UBR3: variants seen among roughly 807,000 people sequenced by gnomAD.
UBR3 encodes E3 ubiquitin-protein ligase UBR3.
Under a neutral mutation model 243.2 loss-of-function variants are expected in UBR3, and 85 were observed. The ratio of observed to expected loss-of-function variants is 0.35; its 90% CI spans 0.29 to 0.42. The LOEUF (loss-of-function observed/expected upper bound fraction) is 0.42, where lower values mean the gene tolerates loss of function less well. UBR3 is among the 10% of genes least tolerant of loss of function. The probability of loss-of-function intolerance (pLI) is 1.00; values close to 1 mark genes in which losing one functional copy is unlikely to be tolerated. For synonymous variants in UBR3, 748 were observed against 799.8 expected (o/e 0.94, Z 1.09); for missense variants, 1,686 against 2,300.8 (o/e 0.73, Z 5.47).
chr2:169,926,829 T>C lies in UBR3; in HGVS notation c.2205-9T>C, dbSNP rs2085928318. On this transcript the variant is annotated splice_polypyrimidine_tract_variant and intron_variant, in intron 15 of 38. Transcript: ENST00000272793. The stretch of plus-strand genomic sequence containing the variant: ...TATAAAAATATGTTTCAAATATTTC[T>C]TCTTGTAGATTTAAGGTAGTGGATT... The C allele has an allele frequency of 1.3e-6, 2 of 1,547,378 alleles. No individual in the cohort carries two copies. The highest frequency in any genetic ancestry group is 2.4e-5 in the South Asian group (2 of 82,848).
At chr2:170,059,043 C>T (rs1200886619) in intron 33 of UBR3, among the ~76,000 whole-genome samples, 1 of 152,096 alleles carries the variant, frequency 6.6e-6, no homozygotes, top group Non-Finnish European at 1.5e-5. Flanking sequence ...TTCTTCTTAT[C>T]TCGATTTTAG....
At chr2:169,855,358 T>G (rs2082800628) in intron 1 of UBR3, among the ~76,000 whole-genome samples, 1 of 152,196 alleles carries the variant, frequency 6.6e-6, no homozygotes. Context: ...ATTTTTATTT[T>G]TTTTAGTATT....
intron 24 of UBR3, among the ~76,000 whole-genome samples, chr2:169,959,884 G>A (rs1017391722): frequency 1.3e-5 from 2 of 152,180 alleles, no homozygotes; most frequent in African/African-American, 4.8e-5. Context: ...GATGCCACAA[G>A]TGGAAAGTTT....
intron 11 of UBR3, among the ~76,000 whole-genome samples, chr2:169,919,425 C>T (rs997864289): frequency 2.0e-5 from 3 of 152,122 alleles, no homozygotes; most frequent in Admixed American, 2.0e-4. Flanking sequence ...GTCTAAAACA[C>T]CAAAAGCAAT....
chr2:169,864,889 G>T (rs13010723), intron 1 of UBR3, among the ~76,000 whole-genome samples: 60,999 of 143,646 alleles, frequency 0.42, 14,417 homozygotes, highest in Non-Finnish European at 0.54. Flanking sequence ...CCCGGGTGAC[G>T]GAGCGAGACT....
chr2:170,000,382 G>A (rs946323952), intron 26 of UBR3, among the ~76,000 whole-genome samples: 1 of 152,206 alleles, frequency 6.6e-6, no homozygotes, highest in South Asian at 2.1e-4. Flanking sequence ...CTCCCACTCC[G>A]TGGGATATAG....
At chr2:169,894,554 G>A (rs1371454052) in intron 6 of UBR3, among the ~76,000 whole-genome samples, 1 of 151,992 alleles carries the variant, frequency 6.6e-6, no homozygotes, top group Non-Finnish European at 1.5e-5. Flanking sequence ...TATCTAATAA[G>A]GACTGATTCA....
At chr2:169,862,377 T>C (rs1354077906) in intron 1 of UBR3, among the ~76,000 whole-genome samples, 1 of 152,182 alleles carries the variant, frequency 6.6e-6, no homozygotes, top group Non-Finnish European at 1.5e-5. Flanking sequence ...AATGTATATT[T>C]AGAAAAATGG....
chr2:169,994,326 T>C lies in UBR3; in HGVS notation c.3788T>C (p.Leu1263Ser). ...LVVLLQASSVLGQCRDNVEPK... is the reference protein window; with the variant it reads ...LVVLLQASSVSGQCRDNVEPK... ...GAGCTTTTATCTGTTAATGTAGTTT[T>C]GGGGCAGTGCCGTGACAATGTTGAG... Residue 1263 changes from leucine (L) to serine (S), a missense_variant, in exon 26 of 39, where the codon TTG becomes TCG. This residue lies in a region of UBR3 where 156 missense variants were observed against 246.3 expected (regional missense o/e 0.63). Coordinates refer to ENST00000272793, the MANE Select transcript of UBR3 (RefSeq NM_172070.4). 1.2e-6 allele frequency: 2 copies of C among 1,614,122 alleles called. No homozygotes were observed. Among genetic ancestry groups the C allele is most frequent in the Non-Finnish European group, 1.7e-6 (2 of 1,179,998 alleles).
intron 11 of UBR3, among the ~76,000 whole-genome samples, chr2:169,923,716 C>T (rs1422224195): frequency 2.0e-5 from 3 of 152,128 alleles, no homozygotes; most frequent in African/African-American, 7.2e-5. Flanking sequence ...GAGTAGAATA[C>T]AATTTCTGCC....
chr2:169,899,834 C>G (rs185157124), intron 8 of UBR3, among the ~76,000 whole-genome samples: 1 of 152,192 alleles, frequency 6.6e-6, no homozygotes, highest in African/African-American at 2.4e-5. Flanking sequence ...TAAACTCATC[C>G]TTTTTTATGG....
In UBR3 at chr2:169,827,503, T is replaced by A; in HGVS notation, c.-5T>A. The stretch of plus-strand genomic sequence containing the variant: ...CCTGGACTCTCCAAATTCTGAGCTC[T>A]CATCATGGCGGCGGCGGCCGCGGCG... On this transcript the variant is annotated 5_prime_UTR_variant, in exon 1 of 39. Coordinates refer to ENST00000272793, the MANE Select transcript of UBR3 (RefSeq NM_172070.4). 8.1e-7 allele frequency: 1 copy of A among 1,227,922 alleles called. No homozygotes were observed. Among genetic ancestry groups the A allele is most frequent in the Non-Finnish European group, 1.0e-6 (1 of 986,152 alleles). The allele number at this position is 1,227,922 out of a possible 1,614,324, so 76.1% of individuals were successfully genotyped here.
intron 18 of UBR3, among the ~76,000 whole-genome samples, chr2:169,930,198 C>T (rs1190562415): frequency 1.3e-5 from 2 of 152,128 alleles, no homozygotes; most frequent in Non-Finnish European, 2.9e-5. Context: ...TATCTGCTAT[C>T]ATCAGAATCT....
intron 19 of UBR3, among the ~76,000 whole-genome samples, chr2:169,935,193 TCTCA>T (rs2086279025): frequency 6.6e-6 from 1 of 152,162 alleles, no homozygotes; most frequent in Non-Finnish European, 1.5e-5. Context: ...TGAGACAAGG[TCTCA>T]CTTTGTCACC....
intron 29 of UBR3, 98 bp from the exon 30 acceptor site, chr2:170,015,183 G>T: frequency 1.0e-6 from 1 of 1,002,944 alleles, no homozygotes. Flanking sequence ...AAATAAAGTT[G>T]AAGAACTTTA....
At chr2:170,057,959 C>G (rs2091373927) in intron 33 of UBR3, among the ~76,000 whole-genome samples, 1 of 152,052 alleles carries the variant, frequency 6.6e-6, no homozygotes, top group Non-Finnish European at 1.5e-5. Flanking sequence ...GCCTGTAATA[C>G]CAACAACTAT....
intron 14 of UBR3, 90 bp from the exon 15 acceptor site, chr2:169,926,599 AAAC>A: frequency 7.4e-7 from 1 of 1,355,624 alleles, no homozygotes; most frequent in Non-Finnish European, 1.0e-6. Context: ...AAAAAACAAA[AAAC>A]AAAAAACAAA....
intron 1 of UBR3, among the ~76,000 whole-genome samples, chr2:169,856,862 A>G (rs1040674103): frequency 6.6e-6 from 1 of 151,796 alleles, no homozygotes; most frequent in Non-Finnish European, 1.5e-5. Flanking sequence ...GGAGCTATCC[A>G]TTACTTTACT....
At chr2:169,992,823 C>T (rs1178337552) in intron 25 of UBR3, among the ~76,000 whole-genome samples, 16 of 152,182 alleles carry the variant, frequency 1.1e-4, no homozygotes, top group African/African-American at 3.1e-4. Flanking sequence ...TGCAGTGGCA[C>T]GATCTCAGCT....
Sources: allele counts gnomAD v4.1 joint callset (sites outside exome capture counted in the v4.1 genomes callset), GRCh38; gene constraint gnomAD v4.1.1; regional missense constraint gnomAD v4.1.1; transcripts MANE v1.5; gene names NCBI Gene and HGNC (gene_info 2026-07-23, HGNC 2026-07-21).